ABLIM2: variants seen among roughly 807,000 people sequenced by gnomAD.
ABLIM2 encodes actin-binding LIM protein 2.
A neutral mutation model predicts 97.7 loss-of-function variants in ABLIM2; 53 were observed. That is an observed-to-expected ratio of 0.54 (90% CI 0.44 to 0.68). ABLIM2 has a LOEUF of 0.68. ABLIM2 is among the 30% of genes least tolerant of loss of function. The pLI is 0.00. For synonymous variants in ABLIM2, 361 were observed against 345.8 expected, an observed-to-expected ratio of 1.04 and a Z score of -0.49; for missense variants, 835 against 867.2, an observed-to-expected ratio of 0.96 and a Z score of 0.47.
rs569701461 is a variant in ABLIM2 at position 8,105,138 on chromosome 4, C to T, written c.154+1356G>A. On this transcript the variant is annotated intron_variant, in intron 2 of 20. Transcript: ENST00000447017. ...ACATGTCTCCCTGGGCTGCTGGCGT[C>T]GGGAGGATTCCCTTCTGTCTGGAGC... Among the ~76,000 whole-genome samples the T allele has an allele frequency of 6.6e-5, 10 of 152,294 alleles. No individual in the cohort carries two copies. In the South Asian group the frequency reaches 1.5e-3, roughly 22 times the overall value.
chr4:8,098,656 G>T (rs763113229), intron 2 of ABLIM2, among the ~76,000 whole-genome samples: 7 of 152,162 alleles, frequency 4.6e-5, no homozygotes, highest in Non-Finnish European at 1.0e-4. Flanking sequence ...GCCGGGATTC[G>T]AATCCCAGCT....
Position 8,019,908 on chromosome 4 carries a change from C to T in ABLIM2, c.1370-237G>A, listed in dbSNP as rs745437555. Among the ~76,000 whole-genome samples the T allele has an allele frequency of 4.1e-4, 63 of 152,136 alleles. No individual in the cohort carries two copies. Among genetic ancestry groups the T allele is most frequent in the Non-Finnish European group, 6.6e-4 (45 of 68,022 alleles). ...AGCAGCCAGGAACCTTGTGGTCCCC[C>T]GGGAAGTGTAGCCAGCTCAGACAGC... On this transcript the variant is annotated intron_variant, in intron 13 of 20. Coordinates refer to ENST00000447017, the MANE Select transcript of ABLIM2 (RefSeq NM_001130083.2). This position sits in a 1 kb window ranked among gnomAD's most constrained non-coding sequence, Gnocchi z 4.3.
At chr4:8,134,027 C>G (rs1218292451) in intron 1 of ABLIM2, among the ~76,000 whole-genome samples, 1 of 152,206 alleles carries the variant, frequency 6.6e-6, no homozygotes, top group South Asian at 2.1e-4. Context: ...TGAGTGCCCT[C>G]TGCAGCTGCT....
Position 8,029,824 on chromosome 4 carries a change from CCA to C in ABLIM2, c.1048-50_1048-49del, listed in dbSNP as rs1419354314. The C allele has an allele frequency of 2.6e-6, 4 of 1,542,296 alleles. No homozygotes were observed. In the Admixed American group the frequency reaches 5.8e-5, roughly 23 times the overall value. ...TGAACACTGGAGCCGGGAGCACTTC[CCA>C]CCCCTTGTCCACCCATCCCCCGACA... On this transcript the variant is annotated intron_variant, in intron 10 of 20. Transcript: ENST00000447017.
intron 3 of ABLIM2, among the ~76,000 whole-genome samples, chr4:8,092,991 G>C (rs1829667170): frequency 2.0e-5 from 3 of 152,096 alleles, no homozygotes; most frequent in African/African-American, 7.2e-5. Context: ...TGGGATTACA[G>C]GCGCCCACCA....
chr4:8,015,331 C>T lies in ABLIM2; in HGVS notation c.1423+4287G>A, dbSNP rs575608910. On this transcript the variant is annotated intron_variant, in intron 14 of 20. Transcript: ENST00000447017. This position sits in a 1 kb window ranked among gnomAD's most constrained non-coding sequence, Gnocchi z 4.6. The stretch of plus-strand genomic sequence containing the variant: ...GTTCCTTCAGAGCCCCAAAATGCGT[C>T]GGCCATGAGGAACCCTCTAGGGAGA... 5.9e-5 allele frequency among the ~76,000 whole-genome samples: 9 copies of T among 152,132 alleles called. No homozygotes were observed. The East Asian group carries it at 9.7e-4, about 16-fold the overall frequency.
Position 8,023,836 on chromosome 4 carries a change from A to G in ABLIM2, c.1268-3533T>C, listed in dbSNP as rs531282617. 6.6e-6 allele frequency among the ~76,000 whole-genome samples: 1 copy of G among 151,940 alleles called. No individual in the cohort carries two copies. The highest frequency in any genetic ancestry group is 2.4e-5 in the African/African-American group (1 of 41,396). On this transcript the variant is annotated intron_variant, in intron 12 of 20. Coordinates refer to ENST00000447017, the MANE Select transcript of ABLIM2 (RefSeq NM_001130083.2). The surrounding 1 kb of genome is among the most constrained non-coding windows in gnomAD (Gnocchi z 5.7). ...CTATTATACTCTAGTTTACAATCCA[A>G]TGACACATCCTTCATCGTGGTGCTC...
intron 1 of ABLIM2, 65 bp from the exon 2 acceptor site, chr4:8,106,702 C>G: frequency 2.0e-6 from 3 of 1,532,462 alleles, no homozygotes; most frequent in South Asian, 1.3e-5. Context: ...GTGAGCAAAG[C>G]AGGCGTGTGA....
chr4:8,029,355 T>G (rs1056563485), intron 11 of ABLIM2, among the ~76,000 whole-genome samples: 2 of 152,132 alleles, frequency 1.3e-5, no homozygotes, highest in African/African-American at 4.8e-5. Flanking sequence ...AATCATTAGC[T>G]GGAATCTAAG....
chr4:8,054,039 C>G lies in ABLIM2; in HGVS notation c.822+149G>C. On this transcript the variant is annotated intron_variant, in intron 8 of 20. Coordinates refer to ENST00000447017, the MANE Select transcript of ABLIM2 (RefSeq NM_001130083.2). This position sits in a 1 kb window ranked among gnomAD's most constrained non-coding sequence, Gnocchi z 4.9. ...GCTCACCAGTCTACTTGTTTACCCT[C>G]CCCACCTCCTAAGCCTGGCTGCCCC... 2 of 777,582 alleles carry G rather than the reference C, an allele frequency of 2.6e-6. No individual in the cohort carries two copies. Among genetic ancestry groups the G allele is most frequent in the Non-Finnish European group, 4.4e-6 (2 of 459,734 alleles). The allele number at this position is 777,582 out of a possible 1,614,324, so 48.2% of individuals were successfully genotyped here. A position where few individuals can be genotyped will look rare whatever the true frequency, so the allele number is the denominator to read the frequency against.
intron 6 of ABLIM2, among the ~76,000 whole-genome samples, chr4:8,076,290 A>G (rs1000435920): frequency 6.6e-6 from 1 of 152,204 alleles, no homozygotes; most frequent in African/African-American, 2.4e-5. Context: ...TTGCCAGAAA[A>G]GCCACTCTGC....
Position 7,992,478 on chromosome 4 carries a change from G to A in ABLIM2, c.1680+388C>T, listed in dbSNP as rs1356330068. The stretch of plus-strand genomic sequence containing the variant: ...TCCCCGAGAAGGAGGTGGGCACTTG[G>A]CTCACACTGGCTCACCAAATGCAAC... On this transcript the variant is annotated intron_variant, in intron 17 of 20. Transcript: ENST00000447017. The surrounding 1 kb of genome is among the most constrained non-coding windows in gnomAD (Gnocchi z 5.7). 6.6e-6 allele frequency among the ~76,000 whole-genome samples: 1 copy of A among 152,072 alleles called. No individual in the cohort carries two copies. Among genetic ancestry groups the A allele is most frequent in the Non-Finnish European group, 1.5e-5 (1 of 67,998 alleles).
chr4:8,062,952 T>C (rs1313413731), intron 6 of ABLIM2, among the ~76,000 whole-genome samples: 1 of 152,062 alleles, frequency 6.6e-6, no homozygotes, highest in East Asian at 1.9e-4. Flanking sequence ...ACAGCAGGAG[T>C]TCTGTGACAG....
rs534384471 is a variant in ABLIM2, at chr4:7,996,122, G to T, written c.1619-3195C>A. On this transcript the variant is annotated intron_variant, in intron 16 of 20. Transcript: ENST00000447017. The surrounding 1 kb of genome is among the most constrained non-coding windows in gnomAD (Gnocchi z 4.5). ...GCTCCTTATCAGCAAAGGTGCTAGAGGGGTGGTTCTCAAACTGGCATCCCC... is the reference window on the plus strand; with the variant it reads ...GCTCCTTATCAGCAAAGGTGCTAGATGGGTGGTTCTCAAACTGGCATCCCC... Among the ~76,000 whole-genome samples the T allele has an allele frequency of 6.6e-6, 1 of 152,190 alleles. No individual in the cohort carries two copies. The highest frequency in any genetic ancestry group is 1.5e-5 in the Non-Finnish European group (1 of 68,026).
rs1264385183 is a variant in ABLIM2, at chr4:8,019,351, C to T, written c.1423+267G>A. 2.0e-5 allele frequency among the ~76,000 whole-genome samples: 3 copies of T among 152,208 alleles called. No individual in the cohort carries two copies. The highest frequency in any genetic ancestry group is 4.1e-4 in the South Asian group (2 of 4,830). ...CCACCAGGCTCTTGGCTATAAACCC[C>T]CATCCCAAGCCCTGGCTGATGTGCA... On this transcript the variant is annotated intron_variant, in intron 14 of 20. Transcript: ENST00000447017. This position sits in a 1 kb window ranked among gnomAD's most constrained non-coding sequence, Gnocchi z 4.3.
rs140940187 is a variant in ABLIM2, at chr4:8,136,356, T to C, written c.10+22324A>G. On this transcript the variant is annotated intron_variant, in intron 1 of 20. Coordinates refer to ENST00000447017, the MANE Select transcript of ABLIM2 (RefSeq NM_001130083.2). The stretch of plus-strand genomic sequence containing the variant: ...AGAGGGTCCTGTGGATGGATGGCAT[T>C]GCTGGTTGCACAGCACCGTGTAAGT... Among the ~76,000 whole-genome samples, 567 of 152,352 alleles carry C rather than the reference T, an allele frequency of 3.7e-3. 3 individuals are homozygous for C. Among genetic ancestry groups the C allele is most frequent in the South Asian group, 0.017 (82 of 4,820 alleles).
At chr4:8,055,271 G>A (rs1798348797) in intron 7 of ABLIM2, among the ~76,000 whole-genome samples, 1 of 152,188 alleles carries the variant, frequency 6.6e-6, no homozygotes, top group Non-Finnish European at 1.5e-5. Context: ...AGGATCTGGG[G>A]CACTTGCTCC....
rs938812526 is a variant in ABLIM2 at position 8,061,071 on chromosome 4, A to T, written c.676-17T>A. On this transcript the variant is annotated splice_polypyrimidine_tract_variant and intron_variant, in intron 6 of 20. Transcript: ENST00000447017. This position sits in a 1 kb window ranked among gnomAD's most constrained non-coding sequence, Gnocchi z 4.5. ...CTCTCCGGCCTGTAAGAAAAGCACA[A>T]AGCAGAATGTTTCTACTAAAGCCAG... 1 of 1,569,398 alleles carries T rather than the reference A, an allele frequency of 6.4e-7. No homozygotes were observed. Among genetic ancestry groups the T allele is most frequent in the Non-Finnish European group, 8.6e-7 (1 of 1,156,666 alleles).
chr4:8,042,839 C>CA (rs35649540), intron 9 of ABLIM2, among the ~76,000 whole-genome samples: 25,205 of 62,120 alleles, frequency 0.41, 4,365 homozygotes, highest in African/African-American at 0.48. Context: ...AACTCCAACT[C>CA]AAAAAAAAAA....
Sources: allele counts gnomAD v4.1 joint callset (sites outside exome capture counted in the v4.1 genomes callset), GRCh38; gene constraint gnomAD v4.1.1; non-coding constraint Gnocchi (gnomAD v3.1); transcripts MANE v1.5; gene names NCBI Gene and HGNC (gene_info 2026-07-23, HGNC 2026-07-21).